Variants in PELI2 observed in about 807,000 individuals in gnomAD.
PELI2 encodes E3 ubiquitin-protein ligase pellino homolog 2.
Under a neutral mutation model 42.3 loss-of-function variants are expected in PELI2, and 23 were observed. The ratio of observed to expected loss-of-function variants is 0.54; its 90% CI spans 0.39 to 0.77. The LOEUF is 0.77. PELI2 is among the 30% of genes least tolerant of loss of function. The probability of loss-of-function intolerance (pLI) is 0.00; values close to 1 mark genes in which losing one functional copy is unlikely to be tolerated. For synonymous variants in PELI2, 245 were observed against 212.2 expected, an observed-to-expected ratio of 1.15 and a Z score of -1.34; for missense variants, 463 against 553.2, an observed-to-expected ratio of 0.84 and a Z score of 1.64.
chr14:56,175,019 A>G (rs1004591705), intron 1 of PELI2, among the ~76,000 whole-genome samples: 2 of 151,594 alleles, frequency 1.3e-5, no homozygotes, highest in African/African-American at 4.9e-5. Context: ...TTCTTTTTTG[A>G]CAGTCTTGCT....
At chr14:56,266,840 T>C (rs576486423) in intron 2 of PELI2, among the ~76,000 whole-genome samples, 50 of 152,190 alleles carry the variant, frequency 3.3e-4, no homozygotes, top group African/African-American at 1.2e-3. Context: ...ATTTAATGCC[T>C]GCTAAAAAAG....
chr14:56,171,889 A>T (rs1296918189), intron 1 of PELI2, among the ~76,000 whole-genome samples: 1 of 151,972 alleles, frequency 6.6e-6, no homozygotes, highest in Non-Finnish European at 1.5e-5. Context: ...GGTGGTGTGC[A>T]CCTGTCGTCC....
At chr14:56,192,913 G>A (rs1360230593) in intron 2 of PELI2, among the ~76,000 whole-genome samples, 1 of 152,144 alleles carries the variant, frequency 6.6e-6, no homozygotes, top group African/African-American at 2.4e-5. Context: ...GGAGACCTAA[G>A]GGGTAATAAT....
intron 1 of PELI2, among the ~76,000 whole-genome samples, chr14:56,164,846 A>G (rs1050502255): frequency 2.6e-5 from 4 of 151,990 alleles, no homozygotes; most frequent in African/African-American, 9.7e-5. Context: ...ATAGCCACTA[A>G]TGATCATTTG....
At position 56,134,499 on chromosome 14, in the gene PELI2, A is replaced by G. The variant is rs112030945; in HGVS notation, c.77+15762A>G. Among the ~76,000 whole-genome samples the G allele has an allele frequency of 1.1e-3, 161 of 151,922 alleles. 1 individual carries two copies. Among genetic ancestry groups the G allele is most frequent in the African/African-American group, 3.8e-3 (156 of 41,414 alleles). On this transcript the variant is annotated intron_variant, in intron 1 of 5. Coordinates refer to ENST00000267460, the MANE Select transcript of PELI2 (RefSeq NM_021255.3). Reference sequence around the variant, plus strand: ...TTCACTCTGAATCTTTTGCTTTTCAACTCCTTTCCTTTGATTCTTAGAGAA... The same window carrying G: ...TTCACTCTGAATCTTTTGCTTTTCAGCTCCTTTCCTTTGATTCTTAGAGAA...
chr14:56,144,855 T>C (rs1884055092), intron 1 of PELI2: 1 of 411,618 alleles, frequency 2.4e-6, no homozygotes, highest in African/African-American at 2.2e-5. Flanking sequence ...GCACTTAGTA[T>C]GGGGCCTTGT....
intron 2 of PELI2, among the ~76,000 whole-genome samples, chr14:56,178,680 C>T (rs776400712): frequency 5.9e-5 from 9 of 152,326 alleles, no homozygotes; most frequent in Admixed American, 2.0e-4. Context: ...GTAGCACCCC[C>T]GCATTCTTGC....
intron 2 of PELI2, among the ~76,000 whole-genome samples, chr14:56,267,012 T>A: frequency 6.6e-6 from 1 of 152,080 alleles, no homozygotes; most frequent in East Asian, 1.9e-4. Flanking sequence ...TGTGCTGGTA[T>A]AGGCATAGAC....
At chr14:56,151,684 T>C (rs1884365866) in intron 1 of PELI2, among the ~76,000 whole-genome samples, 2 of 152,210 alleles carry the variant, frequency 1.3e-5, no homozygotes, top group Non-Finnish European at 2.9e-5. Context: ...TGAGATTAAC[T>C]GAGTTATTAT....
At chr14:56,168,256 G>T (rs181994934) in intron 1 of PELI2, among the ~76,000 whole-genome samples, 7 of 128,256 alleles carry the variant, frequency 5.5e-5, no homozygotes, top group Admixed American at 5.0e-4. Flanking sequence ...TCCCTTCTGA[G>T]CAGCGTGCCC....
At chr14:56,172,859 CTT>C (rs1885229883) in intron 1 of PELI2, among the ~76,000 whole-genome samples, 2 of 152,168 alleles carry the variant, frequency 1.3e-5, no homozygotes, top group Admixed American at 1.3e-4. Flanking sequence ...TAACTGACCT[CTT>C]AACTGATTAG....
In PELI2 at chr14:56,156,268, T is replaced by C. The variant is rs928962726; in HGVS notation, c.78-22067T>C. ...AACTTATATTGCAAATTCCAAAATGTGTCCCTAGAAAAAATGCTTCAACCC... is the reference window on the plus strand; with the variant it reads ...AACTTATATTGCAAATTCCAAAATGCGTCCCTAGAAAAAATGCTTCAACCC... On this transcript the variant is annotated intron_variant, in intron 1 of 5. Coordinates refer to ENST00000267460, the MANE Select transcript of PELI2 (RefSeq NM_021255.3). Among the ~76,000 whole-genome samples the C allele has an allele frequency of 3.9e-5, 6 of 152,294 alleles. No individual in the cohort carries two copies. The East Asian group carries it at 9.7e-4, about 25-fold the overall frequency.
At position 56,181,450 on chromosome 14, in the gene PELI2, G is replaced by T. The variant is rs1409847861; in HGVS notation, c.207+2986G>T. On this transcript the variant is annotated intron_variant, in intron 2 of 5. Coordinates refer to ENST00000267460, the MANE Select transcript of PELI2 (RefSeq NM_021255.3). ...CACTGGCCTGAAATGACAGTGGTTTGTGTACCCTGAGATTTTTGATGCTGC... is the reference window on the plus strand; with the variant it reads ...CACTGGCCTGAAATGACAGTGGTTTTTGTACCCTGAGATTTTTGATGCTGC... Among the ~76,000 whole-genome samples, 3 of 148,454 alleles carry T rather than the reference G, an allele frequency of 2.0e-5. No homozygotes were observed. The East Asian group carries it at 6.1e-4, about 30-fold the overall frequency.
At chr14:56,225,199 G>A (rs1002804986) in intron 2 of PELI2, among the ~76,000 whole-genome samples, 11 of 152,138 alleles carry the variant, frequency 7.2e-5, no homozygotes, top group Non-Finnish European at 1.2e-4. Context: ...CAGGAATTCC[G>A]AGCAGCAGCT....
intron 2 of PELI2, among the ~76,000 whole-genome samples, chr14:56,231,326 C>A (rs7160652): frequency 0.4 from 60,999 of 151,780 alleles, 12,927 homozygotes; most frequent in South Asian, 0.53. Context: ...CACCACATTG[C>A]ACTTATTCCA....
At chr14:56,221,002 C>T (rs1282184757) in intron 2 of PELI2, among the ~76,000 whole-genome samples, 13 of 152,120 alleles carry the variant, frequency 8.5e-5, no homozygotes, top group East Asian at 1.9e-4. Context: ...GCCAGGTGAC[C>T]GTTAGGCCTC....
At chr14:56,260,477 T>TGG (rs1431491428) in intron 2 of PELI2, among the ~76,000 whole-genome samples, 1 of 152,120 alleles carries the variant, frequency 6.6e-6, no homozygotes, top group Non-Finnish European at 1.5e-5. Flanking sequence ...GGCAGGCAGT[T>TGG]TCAGGGATTG....
At chr14:56,246,835 A>G (rs940403673) in intron 2 of PELI2, among the ~76,000 whole-genome samples, 8 of 152,094 alleles carry the variant, frequency 5.3e-5, no homozygotes, top group Non-Finnish European at 7.4e-5. Context: ...ATATTGTGCA[A>G]TTTTTCTCAT....
chr14:56,137,764 T>C (rs1205717449), intron 1 of PELI2, among the ~76,000 whole-genome samples: 1 of 152,232 alleles, frequency 6.6e-6, no homozygotes, highest in East Asian at 1.9e-4. Flanking sequence ...TTATTTAAAT[T>C]GCTGATGTGC....
Sources: gnomAD v4.1 joint callset for allele counts (sites outside exome capture counted in the v4.1 genomes callset) on GRCh38, gnomAD v4.1.1 for gene constraint, MANE v1.5 for transcripts, NCBI Gene and HGNC (gene_info 2026-07-23, HGNC 2026-07-21) for gene names.